ASTN2: variants seen among roughly 807,000 people sequenced by gnomAD.
The protein encoded by ASTN2 is astrotactin-2.
A neutral mutation model predicts 139.8 loss-of-function variants in ASTN2; 54 were observed. The observed-to-expected ratio is 0.39, with a 90% CI of 0.31 to 0.48. ASTN2 has a LOEUF of 0.48. ASTN2 is among the 20% of genes least tolerant of loss of function. The probability of loss-of-function intolerance (pLI) is 0.95; values close to 1 mark genes in which losing one functional copy is unlikely to be tolerated. For missense variants in ASTN2, 1,565 were observed against 1,725.1 expected (o/e 0.91, Z 1.64); for synonymous variants, 756 against 719.5 (o/e 1.05, Z -0.81).
chr9:117,398,547 A>G (rs1250639125), intron 1 of ASTN2, among the ~76,000 whole-genome samples: 2 of 152,186 alleles, frequency 1.3e-5, no homozygotes, highest in African/African-American at 2.4e-5. Flanking sequence ...AATTTTATCA[A>G]TATCTCTGTG....
intron 13 of ASTN2, among the ~76,000 whole-genome samples, chr9:116,803,144 T>C (rs1315845181): frequency 1.3e-5 from 2 of 152,020 alleles, no homozygotes; most frequent in Non-Finnish European, 2.9e-5. Flanking sequence ...AATTCCTTTA[T>C]TTTTTTATTT....
intron 3 of ASTN2, among the ~76,000 whole-genome samples, chr9:117,164,644 A>G (rs1830629076): frequency 6.6e-6 from 1 of 152,054 alleles, no homozygotes; most frequent in African/African-American, 2.4e-5. Context: ...CTTATGAAAC[A>G]TGGGCCTGAG....
At chr9:117,390,433 G>T (rs1308877897) in intron 1 of ASTN2, among the ~76,000 whole-genome samples, 1 of 152,156 alleles carries the variant, frequency 6.6e-6, no homozygotes, top group Non-Finnish European at 1.5e-5. Flanking sequence ...AGTAACAGAT[G>T]TTCATCATTC....
At chr9:117,075,792 TA>T (rs1828265410) in intron 5 of ASTN2, among the ~76,000 whole-genome samples, 3 of 152,202 alleles carry the variant, frequency 2.0e-5, no homozygotes, top group Non-Finnish European at 4.4e-5. Flanking sequence ...CCATGCTGTT[TA>T]CTAAAACTGT....
intron 12 of ASTN2, among the ~76,000 whole-genome samples, chr9:116,811,582 G>C (rs551238046): frequency 7.2e-5 from 11 of 152,154 alleles, no homozygotes; most frequent in Non-Finnish European, 1.3e-4. Flanking sequence ...TTCAAATACA[G>C]GTTGTGCCAT....
chr9:116,742,843 A>T (rs1829129864), intron 13 of ASTN2, among the ~76,000 whole-genome samples: 1 of 152,186 alleles, frequency 6.6e-6, no homozygotes, highest in South Asian at 2.1e-4. Context: ...GGTGGCAGGG[A>T]TGGTAGATGA....
chr9:116,886,298 T>C (rs367788466), intron 10 of ASTN2, among the ~76,000 whole-genome samples: 2 of 152,276 alleles, frequency 1.3e-5, no homozygotes, highest in Admixed American at 6.5e-5. Context: ...AGTGCTGGTC[T>C]GTTAAGTACC....
Position 116,573,112 on chromosome 9 carries a change from C to A in ASTN2, c.3355+45212G>T, listed in dbSNP as rs558542195. ...TAATATCGTGGGGTTTGAGAATATA[C>A]ACATTTACTATTTCCTGCGTTATAG... On this transcript the variant is annotated intron_variant, in intron 19 of 22. Transcript: ENST00000313400. Among the ~76,000 whole-genome samples the A allele has an allele frequency of 2.3e-4, 35 of 152,252 alleles. 4 individuals carry two copies. The South Asian group carries it at 7.1e-3, about 31-fold the overall frequency.
intron 16 of ASTN2, chr9:116,697,665 G>A: frequency 6.3e-7 from 1 of 1,575,794 alleles, no homozygotes; most frequent in Non-Finnish European, 8.7e-7. Context: ...TCTTTAGCAG[G>A]AATTTGACCC....
intron 3 of ASTN2, among the ~76,000 whole-genome samples, chr9:117,158,649 C>T (rs1192355710): frequency 2.6e-5 from 4 of 152,026 alleles, no homozygotes; most frequent in Admixed American, 6.6e-5. Context: ...GGTGAGGCCA[C>T]GTCCTAGACT....
chr9:116,689,379 A>G (rs1860448155), intron 16 of ASTN2, among the ~76,000 whole-genome samples: 1 of 152,244 alleles, frequency 6.6e-6, no homozygotes, highest in Non-Finnish European at 1.5e-5. Flanking sequence ...TAGCATGCCT[A>G]GGATCTGGCA....
intron 17 of ASTN2, among the ~76,000 whole-genome samples, chr9:116,641,653 A>AT (rs1857336048): frequency 6.6e-6 from 1 of 152,134 alleles, no homozygotes. Context: ...GAAAAAAAAT[A>AT]TTCTCTGACA....
At chr9:116,464,446 C>G (rs1343613364) in intron 20 of ASTN2, among the ~76,000 whole-genome samples, 1 of 152,118 alleles carries the variant, frequency 6.6e-6, no homozygotes, top group Admixed American at 6.5e-5. Context: ...ATTGATGTTA[C>G]TAGTGTCCTG....
intron 19 of ASTN2, among the ~76,000 whole-genome samples, chr9:116,532,545 G>T (rs1198992228): frequency 6.6e-6 from 1 of 152,182 alleles, no homozygotes; most frequent in Non-Finnish European, 1.5e-5. Context: ...TGTATAAGGT[G>T]TAAGGAAGGG....
chr9:117,231,601 A>T (rs1832893469), intron 2 of ASTN2, among the ~76,000 whole-genome samples: 1 of 152,152 alleles, frequency 6.6e-6, no homozygotes, highest in Non-Finnish European at 1.5e-5. Context: ...GGGAGGATAA[A>T]GGGGGAAGGA....
chr9:117,267,701 A>G (rs961862523), intron 2 of ASTN2, among the ~76,000 whole-genome samples: 2 of 152,208 alleles, frequency 1.3e-5, no homozygotes, highest in Non-Finnish European at 2.9e-5. Context: ...TGGGGCACCT[A>G]AGAGCTGGCT....
In ASTN2 at chr9:116,565,414, TATATATATATATA is replaced by T. The variant is rs1564120525; in HGVS notation, c.3355+52897_3355+52909del. On this transcript the variant is annotated intron_variant, in intron 19 of 22. Coordinates refer to ENST00000313400, the MANE Select transcript of ASTN2 (RefSeq NM_001365068.1). ...ATATATATATATATATATATATATA[TATATATATATATA>T]TATTTATTTATTTATTTTGAGACAG... 3.3e-4 allele frequency among the ~76,000 whole-genome samples: 42 copies of T among 128,900 alleles called. 2 individuals are homozygous for T. The highest frequency in any genetic ancestry group is 1.2e-3 in the African/African-American group (41 of 33,510). The allele number at this position is 128,900 out of a possible 152,430, so 84.6% of individuals were successfully genotyped here.
intron 10 of ASTN2, among the ~76,000 whole-genome samples, chr9:116,887,556 C>G (rs1833645972): frequency 2.6e-5 from 4 of 152,080 alleles, no homozygotes; most frequent in Admixed American, 2.6e-4. Flanking sequence ...CAGATAGTCT[C>G]AGAGGTGACA....
At chr9:117,290,316 T>C (rs1834555511) in intron 2 of ASTN2, among the ~76,000 whole-genome samples, 1 of 152,238 alleles carries the variant, frequency 6.6e-6, no homozygotes, top group Non-Finnish European at 1.5e-5. Flanking sequence ...CTGTGCTTTC[T>C]ACCTACTGGA....
Sources: allele counts gnomAD v4.1 joint callset (sites outside exome capture counted in the v4.1 genomes callset), GRCh38; gene constraint gnomAD v4.1.1; transcripts MANE v1.5; gene names NCBI Gene and HGNC (gene_info 2026-07-23, HGNC 2026-07-21).